NRP1: variants seen among roughly 807,000 people sequenced by gnomAD.
The protein encoded by NRP1 is neuropilin 1, also known as neuropilin-1.
In NRP1, 35 loss-of-function variants were observed where a neutral mutation model predicts 106.7. The ratio of observed to expected loss-of-function variants is 0.33; its 90% CI spans 0.25 to 0.43. The LOEUF (loss-of-function observed/expected upper bound fraction) is 0.43. Ranked by LOEUF, NRP1 falls within the 20% of genes least tolerant of loss-of-function variation. The pLI, the probability that NRP1 is intolerant of heterozygous loss-of-function variation, is 1.00. For synonymous variants in NRP1, 437 were observed against 417.9 expected (o/e 1.05, Z -0.56); for missense variants, 1,024 against 1,170.4 (o/e 0.87, Z 1.83).
chr10:33,317,466 T>C (rs1408457812), intron 2 of NRP1, among the ~76,000 whole-genome samples: 5 of 152,204 alleles, frequency 3.3e-5, no homozygotes. Flanking sequence ...TTTAAAAACA[T>C]TTATTTCCCA....
chr10:33,291,881 G>GT (rs879516392), intron 2 of NRP1, among the ~76,000 whole-genome samples: 1 of 152,092 alleles, frequency 6.6e-6, no homozygotes, highest in Non-Finnish European at 1.5e-5. Flanking sequence ...TCACAGTTAG[G>GT]TTTTTTTGTC....
At chr10:33,291,803 G>T (rs1223730591) in intron 2 of NRP1, among the ~76,000 whole-genome samples, 1 of 152,158 alleles carries the variant, frequency 6.6e-6, no homozygotes, top group Non-Finnish European at 1.5e-5. Context: ...CTAGAAAATT[G>T]TCTGTTTCAA....
At chr10:33,203,722 C>CTTTTTTTT (rs34343692) in intron 10 of NRP1, among the ~76,000 whole-genome samples, 1 of 68,134 alleles carries the variant, frequency 1.5e-5, no homozygotes, top group Non-Finnish European at 2.6e-5. Flanking sequence ...TCAAAGACTG[C>CTTTTTTTT]TTTTTTTTTT....
chr10:33,227,832 A>C (rs1453443606), intron 6 of NRP1, among the ~76,000 whole-genome samples: 1 of 152,140 alleles, frequency 6.6e-6, no homozygotes, highest in Non-Finnish European at 1.5e-5. Flanking sequence ...AGACTCTGCC[A>C]TCATCTTTAG....
intron 9 of NRP1, among the ~76,000 whole-genome samples, chr10:33,208,521 C>T (rs563035244): frequency 1.3e-5 from 2 of 152,282 alleles, no homozygotes; most frequent in South Asian, 4.1e-4. Context: ...AATGACTAGG[C>T]CAGTTTTCCT....
chr10:33,216,357 C>G (rs972545396), intron 8 of NRP1, among the ~76,000 whole-genome samples: 1 of 152,010 alleles, frequency 6.6e-6, no homozygotes, highest in African/African-American at 2.4e-5. Context: ...AGGATGGTCT[C>G]GATCTCCTGA....
intron 4 of NRP1, among the ~76,000 whole-genome samples, chr10:33,261,537 T>C (rs1842572752): frequency 6.6e-6 from 1 of 152,236 alleles, no homozygotes; most frequent in Admixed American, 6.5e-5. Flanking sequence ...TTGATAAGAT[T>C]ATCATAACCC....
At chr10:33,192,493 C>G (rs1029669182) in intron 12 of NRP1, 75 bp from the exon 13 acceptor site, 1 of 1,502,800 alleles carries the variant, frequency 6.7e-7, no homozygotes, top group Non-Finnish European at 9.1e-7. Flanking sequence ...CACAAAGGCC[C>G]TTGGTTCACT....
At chr10:33,249,586 G>A (rs1423094681) in intron 6 of NRP1, 2 of 484,118 alleles carry the variant, frequency 4.1e-6, no homozygotes. Context: ...AAGGAAAAAG[G>A]TAAAATTAAT....
At chr10:33,259,607 A>G (rs1842440914) in intron 4 of NRP1, among the ~76,000 whole-genome samples, 1 of 152,218 alleles carries the variant, frequency 6.6e-6, no homozygotes, top group Admixed American at 6.5e-5. Context: ...TCAGCAAGCA[A>G]CATGTGCCAA....
chr10:33,182,833 G>A (rs1358959386), intron 15 of NRP1, 85 bp from the exon 16 acceptor site: 8 of 746,312 alleles, frequency 1.1e-5, no homozygotes, highest in African/African-American at 5.5e-5. Flanking sequence ...TTAGGTACAT[G>A]CACACACACA....
intron 3 of NRP1, among the ~76,000 whole-genome samples, chr10:33,266,981 A>G (rs1288913642): frequency 7.2e-5 from 11 of 152,254 alleles, no homozygotes; most frequent in Admixed American, 2.6e-4. Flanking sequence ...GCAGTGAGCC[A>G]AGATCGTGCC....
chr10:33,241,637 A>G (rs967870888), intron 6 of NRP1, among the ~76,000 whole-genome samples: 2 of 151,682 alleles, frequency 1.3e-5, no homozygotes, highest in South Asian at 2.1e-4. Context: ...GTGCTGTTGT[A>G]TGTGTGTGGT....
chr10:33,329,399 T>C (rs1848115175), intron 2 of NRP1, among the ~76,000 whole-genome samples: 1 of 152,196 alleles, frequency 6.6e-6, no homozygotes, highest in African/African-American at 2.4e-5. Flanking sequence ...ACCTCATCTC[T>C]CTGACCATGA....
Position 33,334,415 on chromosome 10 carries a change from G to C in NRP1, c.-33C>G, listed in dbSNP as rs750728269. On this transcript the variant is annotated 5_prime_UTR_variant, in exon 1 of 17. Transcript: ENST00000374867. ...TCTCCGGGTCCGCAGGCAGACGCGG[G>C]AGAACGAGGACGTGGGGGGAAATGC... is the stretch of plus-strand genomic sequence containing the variant. 1.2e-5 allele frequency: 19 copies of C among 1,528,532 alleles called. No individual in the cohort carries two copies. The South Asian group carries it at 2.3e-4, about 18-fold the overall frequency. The allele number at this position is 1,528,532 out of a possible 1,614,324, so 94.7% of individuals were successfully genotyped here. A position where few individuals can be genotyped will look rare whatever the true frequency, so the allele number is the denominator to read the frequency against.
intron 3 of NRP1, among the ~76,000 whole-genome samples, chr10:33,265,853 T>C (rs1264823887): frequency 1.3e-5 from 2 of 152,238 alleles, no homozygotes; most frequent in Non-Finnish European, 2.9e-5. Context: ...GTATGGTTTA[T>C]AATCTTAGTT....
At chr10:33,298,385 C>T (rs1424331817) in intron 2 of NRP1, among the ~76,000 whole-genome samples, 1 of 152,142 alleles carries the variant, frequency 6.6e-6, no homozygotes, top group Non-Finnish European at 1.5e-5. Flanking sequence ...TCTTCACGGC[C>T]ACTCTTTACA....
Position 33,213,422 on chromosome 10 carries a change from C to T in NRP1, c.1578G>A (p.Trp526Ter). Residue 526 changes from tryptophan to a stop codon, truncating the protein, a stop_gained, in exon 9 of 17, where the codon TGG becomes TGA. Transcript: ENST00000374867. LOFTEE classifies it high-confidence loss of function. Reference sequence around the variant, plus strand: ...GTTTGCTGTCATCCATGATCATCTTCCAGTCCGAGCCGTTGTTGCTGTACC... The same window carrying T: ...GTTTGCTGTCATCCATGATCATCTTTCAGTCCGAGCCGTTGTTGCTGTACC... ...KIGYSNNGSD[W>*]KMIMDDSKRK... is the part of the protein sequence containing the mutation. 6.2e-7 allele frequency: 1 copy of T among 1,614,046 alleles called. No individual in the cohort carries two copies. Among genetic ancestry groups the T allele is most frequent in the Non-Finnish European group, 8.5e-7 (1 of 1,180,026 alleles).
intron 2 of NRP1, among the ~76,000 whole-genome samples, chr10:33,312,715 A>C (rs964284073): frequency 6.6e-6 from 1 of 152,218 alleles, no homozygotes; most frequent in African/African-American, 2.4e-5. Flanking sequence ...ATAGATACAT[A>C]GCTTATTACT....
Sources: gnomAD v4.1 joint callset for allele counts (sites outside exome capture counted in the v4.1 genomes callset) on GRCh38, gnomAD v4.1.1 for gene constraint, MANE v1.5 for transcripts, NCBI Gene and HGNC (gene_info 2026-07-23, HGNC 2026-07-21) for gene names.